Variants in DACH1 observed in about 807,000 individuals in gnomAD.
The protein encoded by DACH1 is dachshund homolog 1.
Under a neutral mutation model 54.2 loss-of-function variants are expected in DACH1, and 12 were observed. That is an observed-to-expected ratio of 0.22 (90% confidence interval 0.14 to 0.36). The LOEUF is 0.36. Ranked by LOEUF, DACH1 falls within the 10% of genes least tolerant of loss-of-function variation. The probability of loss-of-function intolerance (pLI) is 1.00; values close to 1 mark genes in which losing one functional copy is unlikely to be tolerated. For missense variants in DACH1, 805 were observed against 929.8 expected (o/e 0.87, Z 1.75); for synonymous variants, 386 against 366.2 (o/e 1.05, Z -0.62).
At chr13:71,697,601 T>C (rs1278536313) in intron 1 of DACH1, among the ~76,000 whole-genome samples, 1 of 152,208 alleles carries the variant, frequency 6.6e-6, no homozygotes, top group Non-Finnish European at 1.5e-5. Context: ...TTTTTAAACA[T>C]GGCTTACAAA....
At chr13:71,841,292 T>C (rs1311645123) in intron 1 of DACH1, among the ~76,000 whole-genome samples, 1 of 152,098 alleles carries the variant, frequency 6.6e-6, no homozygotes, top group Non-Finnish European at 1.5e-5. Context: ...AATAATTATG[T>C]CTTTTCTCTT....
chr13:71,484,421 C>A (rs1878306192), intron 7 of DACH1, among the ~76,000 whole-genome samples: 1 of 152,138 alleles, frequency 6.6e-6, no homozygotes, highest in Non-Finnish European at 1.5e-5. Context: ...ATTGCCTCAG[C>A]CTCCCAAAGT....
chr13:71,837,393 A>G (rs896152056), intron 1 of DACH1, among the ~76,000 whole-genome samples: 21 of 131,282 alleles, frequency 1.6e-4, no homozygotes, highest in African/African-American at 6.4e-4. Flanking sequence ...GTAAAGTAGC[A>G]TTTCTAAAAT....
At chr13:71,459,655 G>T (rs2138136036) in intron 10 of DACH1, among the ~76,000 whole-genome samples, 1 of 151,926 alleles carries the variant, frequency 6.6e-6, no homozygotes, top group African/African-American at 2.4e-5. Context: ...TAAGCCCAAA[G>T]AAGAAAGAAT....
At chr13:71,861,747 C>T (rs1295702081) in intron 1 of DACH1, among the ~76,000 whole-genome samples, 1 of 151,752 alleles carries the variant, frequency 6.6e-6, no homozygotes, top group African/African-American at 2.4e-5. Flanking sequence ...TTTAATTTCT[C>T]TGTGCCAAGT....
At position 71,526,294 on chromosome 13, in the gene DACH1, G is replaced by A. The variant is rs553531871; in HGVS notation, c.1570+30730C>T. Among the ~76,000 whole-genome samples, 21 of 152,078 alleles carry A rather than the reference G, an allele frequency of 1.4e-4. No individual in the cohort carries two copies. The South Asian group carries it at 1.5e-3, about 11-fold the overall frequency. ...ATTTTACCAGCTGTGCCTTTATATG[G>A]ATAAAAATTCAGGGTATGTAACAAA... On this transcript the variant is annotated intron_variant, in intron 6 of 10. Coordinates refer to ENST00000613252, the MANE Select transcript of DACH1 (RefSeq NM_080759.6).
chr13:71,491,260 T>A (rs1878957521), intron 6 of DACH1, among the ~76,000 whole-genome samples: 1 of 152,084 alleles, frequency 6.6e-6, no homozygotes, highest in East Asian at 1.9e-4. Flanking sequence ...TAGCCTAGAG[T>A]GACTGATTTC....
intron 1 of DACH1, among the ~76,000 whole-genome samples, chr13:71,792,095 T>C (rs1005459906): frequency 2.0e-5 from 3 of 152,260 alleles, no homozygotes; most frequent in Non-Finnish European, 2.9e-5. Context: ...CCTGTAGATC[T>C]TGCTTCCTTA....
chr13:71,841,159 T>C (rs1398310399), intron 1 of DACH1, among the ~76,000 whole-genome samples: 1 of 152,196 alleles, frequency 6.6e-6, no homozygotes, highest in South Asian at 2.1e-4. Flanking sequence ...ACCACTTTAT[T>C]TGCTATCTTC....
intron 6 of DACH1, among the ~76,000 whole-genome samples, chr13:71,555,695 A>G (rs1244506993): frequency 1.3e-5 from 2 of 152,126 alleles, no homozygotes; most frequent in Non-Finnish European, 2.9e-5. Context: ...TTAAATATCA[A>G]AAGTATAGGT....
chr13:71,607,867 A>C (rs937008793), intron 3 of DACH1, among the ~76,000 whole-genome samples: 1 of 152,032 alleles, frequency 6.6e-6, no homozygotes, highest in African/African-American at 2.4e-5. Context: ...TAAAAAATAA[A>C]AGTTTTTAAA....
At chr13:71,542,286 C>T (rs1436914914) in intron 6 of DACH1, among the ~76,000 whole-genome samples, 1 of 151,766 alleles carries the variant, frequency 6.6e-6, no homozygotes, top group Non-Finnish European at 1.5e-5. Flanking sequence ...TACATACATA[C>T]ATACTTGAAA....
chr13:71,533,789 C>T (rs1882577815), intron 6 of DACH1, among the ~76,000 whole-genome samples: 1 of 151,844 alleles, frequency 6.6e-6, no homozygotes. Context: ...CACACACACA[C>T]ACTTTACTGT....
chr13:71,812,161 T>A (rs1483267270), intron 1 of DACH1, among the ~76,000 whole-genome samples: 3 of 152,188 alleles, frequency 2.0e-5, no homozygotes, highest in African/African-American at 7.2e-5. Flanking sequence ...GAATATATGT[T>A]TAAATACAGA....
At chr13:71,767,959 C>T (rs1566488332) in intron 1 of DACH1, among the ~76,000 whole-genome samples, 1 of 151,808 alleles carries the variant, frequency 6.6e-6, no homozygotes, top group Non-Finnish European at 1.5e-5. Context: ...AATTTAGCTC[C>T]ATAGGCAAAG....
chr13:71,647,399 T>A (rs2138613621), intron 2 of DACH1, among the ~76,000 whole-genome samples: 1 of 152,330 alleles, frequency 6.6e-6, no homozygotes, highest in East Asian at 1.9e-4. Context: ...TTTTTTTCCA[T>A]ATTTCCTTTC....
At chr13:71,635,200 T>C (rs1258966616) in intron 2 of DACH1, among the ~76,000 whole-genome samples, 1 of 152,198 alleles carries the variant, frequency 6.6e-6, no homozygotes, top group Non-Finnish European at 1.5e-5. Flanking sequence ...TTATGTTACA[T>C]TAAGTGTGTA....
intron 1 of DACH1, among the ~76,000 whole-genome samples, chr13:71,813,941 G>T (rs931020428): frequency 6.6e-6 from 1 of 152,120 alleles, no homozygotes; most frequent in Admixed American, 6.5e-5. Flanking sequence ...AAATGGTGAC[G>T]TTAAGCCCTC....
intron 1 of DACH1, among the ~76,000 whole-genome samples, chr13:71,781,065 G>A (rs1886347959): frequency 6.6e-6 from 1 of 152,262 alleles, no homozygotes; most frequent in African/African-American, 2.4e-5. Context: ...AGCCCAGGAG[G>A]TTGAGGCTGC....
Sources: gnomAD v4.1 joint callset for allele counts (sites outside exome capture counted in the v4.1 genomes callset) on GRCh38, gnomAD v4.1.1 for gene constraint, MANE v1.5 for transcripts, NCBI Gene and HGNC (gene_info 2026-07-23, HGNC 2026-07-21) for gene names.